The following BRINP3 variants were observed in gnomAD, a reference collection of about 807,000 sequenced individuals.
BRINP3 encodes BMP/retinoic acid inducible neural specific 3.
In BRINP3, 19 loss-of-function variants were observed where a neutral mutation model predicts 71.0. The observed-to-expected ratio is 0.27, with a 90% CI of 0.19 to 0.39. The LOEUF is 0.39. Ranked by LOEUF, BRINP3 falls within the 10% of genes least tolerant of loss-of-function variation. BRINP3 has a pLI of 1.00. For missense variants in BRINP3, 959 were observed against 940.8 expected, an observed-to-expected ratio of 1.02 and a Z score of -0.25; for synonymous variants, 380 against 337.7, an observed-to-expected ratio of 1.13 and a Z score of -1.37.
At chr1:190,456,329 G>T (rs1675986242) in intron 1 of BRINP3, among the ~76,000 whole-genome samples, 1 of 152,182 alleles carries the variant, frequency 6.6e-6, no homozygotes. Flanking sequence ...TACTGTATGA[G>T]TTGCCTCAAT....
At chr1:190,112,856 A>G (rs1652806607) in intron 7 of BRINP3, among the ~76,000 whole-genome samples, 2 of 152,160 alleles carry the variant, frequency 1.3e-5, no homozygotes, top group African/African-American at 2.4e-5. Context: ...TCCCCAGGAA[A>G]GAACCCAGGA....
chr1:190,235,446 C>T (rs1482704484), intron 4 of BRINP3, among the ~76,000 whole-genome samples: 2 of 151,984 alleles, frequency 1.3e-5, no homozygotes, highest in Admixed American at 1.3e-4. Flanking sequence ...CTGGTCTTTG[C>T]AAAACACAAT....
At chr1:190,379,051 G>C (rs567811429) in intron 2 of BRINP3, among the ~76,000 whole-genome samples, 2 of 152,036 alleles carry the variant, frequency 1.3e-5, no homozygotes, top group Admixed American at 1.3e-4. Flanking sequence ...TACAAACAGA[G>C]CAAAATCTCA....
chr1:190,179,307 A>G (rs1652827169), intron 6 of BRINP3, among the ~76,000 whole-genome samples: 1 of 152,276 alleles, frequency 6.6e-6, no homozygotes, highest in East Asian at 1.9e-4. Flanking sequence ...TGGTCACAGA[A>G]GCAATGACAG....
chr1:190,382,344 A>G (rs1670600107), intron 2 of BRINP3, among the ~76,000 whole-genome samples: 1 of 152,118 alleles, frequency 6.6e-6, no homozygotes, highest in Non-Finnish European at 1.5e-5. Context: ...CACCATCACA[A>G]ATGAAAACAC....
intron 2 of BRINP3, among the ~76,000 whole-genome samples, chr1:190,390,604 T>C (rs1671191863): frequency 6.6e-6 from 1 of 151,680 alleles, no homozygotes; most frequent in Non-Finnish European, 1.5e-5. Flanking sequence ...CTAATAATAA[T>C]GATATTTAAA....
intron 7 of BRINP3, among the ~76,000 whole-genome samples, chr1:190,104,270 T>A (rs893047893): frequency 6.6e-6 from 1 of 152,038 alleles, no homozygotes; most frequent in Admixed American, 6.6e-5. Flanking sequence ...ACCATTTTCT[T>A]AGGAGCCAGA....
At chr1:190,107,817 CT>C (rs1652312161) in intron 7 of BRINP3, among the ~76,000 whole-genome samples, 1 of 151,922 alleles carries the variant, frequency 6.6e-6, no homozygotes, top group African/African-American at 2.4e-5. Context: ...AGTGAACACT[CT>C]TAAAAACTCT....
At chr1:190,301,208 T>C (rs1310880429) in intron 2 of BRINP3, among the ~76,000 whole-genome samples, 941 of 34,960 alleles carry the variant, frequency 0.027, 18 homozygotes, top group East Asian at 0.061. Flanking sequence ...CACATACATA[T>C]ATATATATAT....
chr1:190,416,126 C>T (rs776107176), intron 2 of BRINP3, among the ~76,000 whole-genome samples: 2 of 152,064 alleles, frequency 1.3e-5, no homozygotes, highest in Non-Finnish European at 2.9e-5. Context: ...TACCTTAATA[C>T]ACAAATCCAT....
intron 3 of BRINP3, among the ~76,000 whole-genome samples, chr1:190,274,787 A>G (rs74479469): frequency 6.6e-6 from 1 of 151,588 alleles, no homozygotes; most frequent in Non-Finnish European, 1.5e-5. Flanking sequence ...ATCTACTAGT[A>G]TGGTATTGTG....
chr1:190,268,268 A>G (rs1475822653), intron 3 of BRINP3, among the ~76,000 whole-genome samples: 1 of 152,114 alleles, frequency 6.6e-6, no homozygotes, highest in African/African-American at 2.4e-5. Context: ...ATGAATAACA[A>G]TGTTTTTTCC....
chr1:190,216,252 G>T (rs546941896), intron 6 of BRINP3, among the ~76,000 whole-genome samples: 1 of 151,728 alleles, frequency 6.6e-6, no homozygotes, highest in South Asian at 2.1e-4. Context: ...ACAAAATTGT[G>T]ATCTTTGTCT....
At chr1:190,129,951 C>T (rs972594934) in intron 7 of BRINP3, among the ~76,000 whole-genome samples, 3 of 151,926 alleles carry the variant, frequency 2.0e-5, no homozygotes, top group African/African-American at 7.2e-5. Context: ...ATTCTGGAGT[C>T]TGACTTTCTG....
chr1:190,471,612 T>C (rs1054777176), intron 1 of BRINP3, among the ~76,000 whole-genome samples: 1 of 151,430 alleles, frequency 6.6e-6, no homozygotes, highest in Admixed American at 6.6e-5. Context: ...AAACTTTATA[T>C]GAGTTTGTAA....
intron 7 of BRINP3, among the ~76,000 whole-genome samples, chr1:190,117,530 C>A (rs547193295): frequency 5.3e-5 from 8 of 151,962 alleles, no homozygotes; most frequent in Non-Finnish European, 1.0e-4. Context: ...TACCAATTCC[C>A]ATTTTTTTGT....
intron 2 of BRINP3, among the ~76,000 whole-genome samples, chr1:190,310,586 A>C (rs531333491): frequency 6.6e-6 from 1 of 151,840 alleles, no homozygotes; most frequent in South Asian, 2.1e-4. Context: ...AAAAGCCAAG[A>C]TCATCAGTTA....
At chr1:190,462,439 C>G (rs545076130) in intron 1 of BRINP3, among the ~76,000 whole-genome samples, 1 of 152,006 alleles carries the variant, frequency 6.6e-6, no homozygotes, top group Middle Eastern at 3.2e-3. Context: ...AAATCCCCCT[C>G]TAATTGAGGA....
chr1:190,109,487 T>C (rs1652481834), intron 7 of BRINP3, among the ~76,000 whole-genome samples: 2 of 152,156 alleles, frequency 1.3e-5, no homozygotes, highest in African/African-American at 2.4e-5. Flanking sequence ...ATCATAAGTA[T>C]ACAATGTGAT....
Sources: allele counts gnomAD v4.1 joint callset (sites outside exome capture counted in the v4.1 genomes callset), GRCh38; gene constraint gnomAD v4.1.1; transcripts MANE v1.5; gene names NCBI Gene and HGNC (gene_info 2026-07-23, HGNC 2026-07-21).